UBASH3B: variants seen among roughly 807,000 people sequenced by gnomAD.
UBASH3B encodes the protein ubiquitin-associated and SH3 domain-containing protein B.
Under a neutral mutation model 83.4 loss-of-function variants are expected in UBASH3B, and 37 were observed. The ratio of observed to expected loss-of-function variants is 0.44; its 90% confidence interval spans 0.34 to 0.58. The LOEUF is 0.58. Ranked by LOEUF, UBASH3B falls within the 20% of genes least tolerant of loss-of-function variation. The pLI is 0.01. For synonymous variants in UBASH3B, 304 were observed against 318.3 expected, an observed-to-expected ratio of 0.96 and a Z score of 0.48; for missense variants, 657 against 827.2, an observed-to-expected ratio of 0.79 and a Z score of 2.52.
At chr11:122,713,080 T>A (rs1190790925) in intron 1 of UBASH3B, among the ~76,000 whole-genome samples, 2 of 151,890 alleles carry the variant, frequency 1.3e-5, no homozygotes, top group Non-Finnish European at 2.9e-5. Context: ...GCTAATTTTT[T>A]GTATTTTTAG....
intron 1 of UBASH3B, among the ~76,000 whole-genome samples, chr11:122,763,546 T>G (rs1287084762): frequency 6.6e-6 from 1 of 152,156 alleles, no homozygotes. Context: ...AAATTTTTTT[T>G]CCCTTTCTCT....
chr11:122,694,494 A>G (rs1207223108), intron 1 of UBASH3B, among the ~76,000 whole-genome samples: 1 of 152,170 alleles, frequency 6.6e-6, no homozygotes, highest in Non-Finnish European at 1.5e-5. Flanking sequence ...TGAGAGTTGT[A>G]GGCTGCAGTG....
intron 1 of UBASH3B, among the ~76,000 whole-genome samples, chr11:122,685,236 C>T (rs1267318110): frequency 6.6e-6 from 1 of 152,184 alleles, no homozygotes; most frequent in East Asian, 1.9e-4. Flanking sequence ...TTTGCTTATT[C>T]TCTGTCCCAT....
Position 122,776,246 on chromosome 11 carries a change from A to T in UBASH3B, c.189A>T (p.Gly63=). ...RAQKALASTG[G]RSVQAACDWL... is the part of the protein sequence containing the mutation. ...AAAAAGCCTTGGCATCCACGGGAGG[A>T]AGAAGTGTTCAGGCAGCATGTGACT... Residue 63 remains glycine (G), a synonymous_variant, in exon 2 of 14, where the codon GGA becomes GGT. Coordinates refer to ENST00000284273, the MANE Select transcript of UBASH3B (RefSeq NM_032873.5). The T allele has an allele frequency of 6.2e-7, 1 of 1,609,834 alleles. No individual in the cohort carries two copies. Among genetic ancestry groups the T allele is most frequent in the Non-Finnish European group, 8.5e-7 (1 of 1,178,630 alleles).
rs1234127735 is a variant in UBASH3B at position 122,779,973 on chromosome 11, A to G, written c.601+278A>G. Among the ~76,000 whole-genome samples, 3 of 152,172 alleles carry G rather than the reference A, an allele frequency of 2.0e-5. No individual in the cohort carries two copies. In the East Asian group the frequency reaches 5.8e-4, roughly 29 times the overall value. On this transcript the variant is annotated intron_variant, in intron 4 of 13. Coordinates refer to ENST00000284273, the MANE Select transcript of UBASH3B (RefSeq NM_032873.5). ...GTTTCACAAATGACTTCCATACTGA[A>G]CTAGAAATGTATTTCTTTGTAGCAC...
intron 1 of UBASH3B, among the ~76,000 whole-genome samples, chr11:122,733,570 TGACA>T (rs1409777950): frequency 2.0e-5 from 3 of 152,244 alleles, no homozygotes; most frequent in African/African-American, 4.8e-5. Flanking sequence ...TAATGGGTGT[TGACA>T]GACAATCTAC....
At chr11:122,669,572 T>C (rs1485991496) in intron 1 of UBASH3B, among the ~76,000 whole-genome samples, 2 of 152,204 alleles carry the variant, frequency 1.3e-5, no homozygotes, top group Admixed American at 1.3e-4. Context: ...CATGTGTGTA[T>C]GTAAGCGCTT....
rs1234190942 is a variant in UBASH3B, at chr11:122,690,192, ATATATATATATATATATCCAAT to A, written c.161+33998_161+34019del. 6.9e-3 allele frequency among the ~76,000 whole-genome samples: 164 copies of A among 23,774 alleles called. 9 individuals carry two copies. The highest frequency in any genetic ancestry group is 0.016 in the African/African-American group (119 of 7,376). The allele number at this position is 23,774 out of a possible 152,430, so 15.6% of individuals were successfully genotyped here. A position where few individuals can be genotyped will look rare whatever the true frequency, so the allele number is the denominator to read the frequency against. On this transcript the variant is annotated intron_variant, in intron 1 of 13. Coordinates refer to ENST00000284273, the MANE Select transcript of UBASH3B (RefSeq NM_032873.5). ...CATATATATATATATATATATATAT[ATATATATATATATATATCCAAT>A]TATATATATATATATCCAATTTTAT... is the stretch of plus-strand genomic sequence containing the variant.
At chr11:122,744,873 CTGTGTGTG>C (rs544992534) in intron 1 of UBASH3B, among the ~76,000 whole-genome samples, 2 of 139,434 alleles carry the variant, frequency 1.4e-5, no homozygotes, top group Non-Finnish European at 3.1e-5. Context: ...ATGTGTGACT[CTGTGTGTG>C]TGTGTGTGTG....
chr11:122,673,383 T>A (rs1863625055), intron 1 of UBASH3B, among the ~76,000 whole-genome samples: 2 of 152,260 alleles, frequency 1.3e-5, no homozygotes, highest in South Asian at 4.1e-4. Context: ...GCGCGGTGGC[T>A]CACGCCTGTA....
intron 8 of UBASH3B, among the ~76,000 whole-genome samples, chr11:122,796,556 G>A (rs1861160909): frequency 6.6e-6 from 1 of 152,084 alleles, no homozygotes; most frequent in Non-Finnish European, 1.5e-5. Context: ...TGATCCTATG[G>A]CCAGAGTTCC....
chr11:122,712,938 C>T (rs1469194913), intron 1 of UBASH3B, among the ~76,000 whole-genome samples: 4 of 113,634 alleles, frequency 3.5e-5, no homozygotes, highest in South Asian at 3.2e-4. Flanking sequence ...AGATGGATCT[C>T]GCTCTGTCGC....
intron 1 of UBASH3B, among the ~76,000 whole-genome samples, chr11:122,677,664 A>G (rs1042870157): frequency 3.9e-5 from 6 of 152,028 alleles, no homozygotes; most frequent in Non-Finnish European, 7.4e-5. Context: ...ATAACCTTTT[A>G]TTAACATTTA....
chr11:122,683,617 A>T (rs11218754), intron 1 of UBASH3B, among the ~76,000 whole-genome samples: 109,943 of 148,406 alleles, frequency 0.74, 42,801 homozygotes, highest in East Asian at 0.92. Flanking sequence ...AAAAAAAAAA[A>T]AATAATAATA....
In UBASH3B at chr11:122,736,669, C is replaced by G. The variant is rs116235482; in HGVS notation, c.162-39550C>G. 4.4e-3 allele frequency among the ~76,000 whole-genome samples: 673 copies of G among 152,032 alleles called. 1 individual carries two copies. Among genetic ancestry groups the G allele is most frequent in the African/African-American group, 0.015 (619 of 41,482 alleles). ...CACGCACACATGATGAGAAGGAAAA[C>G]ACACATCAAATAAGTAATTAACTAC... On this transcript the variant is annotated intron_variant, in intron 1 of 13. Transcript: ENST00000284273.
At position 122,759,068 on chromosome 11, in the gene UBASH3B, A is replaced by G. The variant is rs1256788561; in HGVS notation, c.162-17151A>G. Among the ~76,000 whole-genome samples, 1 of 152,178 alleles carries G rather than the reference A, an allele frequency of 6.6e-6. No homozygotes were observed. Among genetic ancestry groups the G allele is most frequent in the Non-Finnish European group, 1.5e-5 (1 of 68,042 alleles). ...TGGGTTCTCTGCTCAGTCTTACAAGATTGCAGTCAAGGTGTTGGCCAGGCC... is the reference window on the plus strand; with the variant it reads ...TGGGTTCTCTGCTCAGTCTTACAAGGTTGCAGTCAAGGTGTTGGCCAGGCC... On this transcript the variant is annotated intron_variant, in intron 1 of 13. Transcript: ENST00000284273. The surrounding 1 kb of genome is among the most constrained non-coding windows in gnomAD (Gnocchi z 4.1).
intron 1 of UBASH3B, among the ~76,000 whole-genome samples, chr11:122,662,373 G>A (rs969193984): frequency 2.0e-5 from 3 of 151,516 alleles, no homozygotes; most frequent in Admixed American, 2.0e-4. Context: ...CCCCTTTGTG[G>A]TTAGTCCTCT....
intron 1 of UBASH3B, among the ~76,000 whole-genome samples, chr11:122,748,970 C>G (rs1459466709): frequency 1.3e-5 from 2 of 152,256 alleles, no homozygotes; most frequent in Non-Finnish European, 2.9e-5. Context: ...TCAACTTTGG[C>G]TACGCCTACA....
intron 1 of UBASH3B, among the ~76,000 whole-genome samples, chr11:122,702,282 C>G (rs1271425551): frequency 6.6e-6 from 1 of 152,156 alleles, no homozygotes; most frequent in East Asian, 1.9e-4. Flanking sequence ...ATCCAGAATA[C>G]TAATGACATC....
Sources: gnomAD v4.1 joint callset for allele counts (sites outside exome capture counted in the v4.1 genomes callset) on GRCh38, gnomAD v4.1.1 for gene constraint, Gnocchi (gnomAD v3.1) non-coding constraint, MANE v1.5 for transcripts, NCBI Gene and HGNC (gene_info 2026-07-23, HGNC 2026-07-21) for gene names.